WWOX: variants seen among roughly 807,000 people sequenced by gnomAD.
WWOX encodes WW domain containing oxidoreductase, also known as WW domain-containing oxidoreductase.
In WWOX, 69 loss-of-function variants were observed where a neutral mutation model predicts 46.2. The observed-to-expected ratio is 1.49, with a 90% confidence interval of 1.23 to 1.82. The LOEUF (loss-of-function observed/expected upper bound fraction) is 1.82. WWOX is among the 40% of genes most tolerant of loss of function. The pLI, the probability that WWOX is intolerant of heterozygous loss-of-function variation, is 0.00. For synonymous variants in WWOX, 359 were observed against 202.6 expected (o/e 1.77, Z -6.56); for missense variants, 919 against 542.6 (o/e 1.69, Z -6.89).
chr16:78,970,497 G>A (rs1235713902), intron 8 of WWOX, among the ~76,000 whole-genome samples: 3 of 152,200 alleles, frequency 2.0e-5, no homozygotes, highest in Non-Finnish European at 2.9e-5. Flanking sequence ...AAAACCAGGG[G>A]AGACTCGACC....
At chr16:78,788,651 C>T (rs1597611443) in intron 8 of WWOX, among the ~76,000 whole-genome samples, 1 of 152,184 alleles carries the variant, frequency 6.6e-6, no homozygotes, top group Non-Finnish European at 1.5e-5. Context: ...TTAGTACTGT[C>T]CTTTATAATA....
At chr16:79,026,621 T>TA (rs1285079581) in intron 8 of WWOX, among the ~76,000 whole-genome samples, 1 of 141,206 alleles carries the variant, frequency 7.1e-6, no homozygotes, top group Non-Finnish European at 1.5e-5. Flanking sequence ...ACTCTTTTTT[T>TA]TTTTTTTTTT....
rs5818165 is a variant in WWOX, at chr16:78,713,273, CAAAAAAAAAAAAAA to C, written c.1056+280536_1056+280549del. 2.6e-3 allele frequency among the ~76,000 whole-genome samples: 44 copies of C among 17,052 alleles called. 1 individual carries two copies. The East Asian group carries it at 0.079, about 31-fold the overall frequency. The allele number at this position is 17,052 out of a possible 152,430, so 11.2% of individuals were successfully genotyped here. On this transcript the variant is annotated intron_variant, in intron 8 of 8. Coordinates refer to ENST00000566780, the MANE Select transcript of WWOX (RefSeq NM_016373.4). ...TGGGTGACAAAGTGAGACTCTGTCT[CAAAAAAAAAAAAAA>C]AAAAAAAAAAAAAAGCTAGTAGCAC... is the stretch of plus-strand genomic sequence containing the variant.
At chr16:78,355,328 C>T (rs562963835) in intron 5 of WWOX, among the ~76,000 whole-genome samples, 24 of 151,912 alleles carry the variant, frequency 1.6e-4, no homozygotes, top group African/African-American at 4.1e-4. Context: ...TGGTGCTGGG[C>T]GCAGTGGCTC....
chr16:78,377,101 T>A (rs1161050535), intron 5 of WWOX, among the ~76,000 whole-genome samples: 1 of 152,258 alleles, frequency 6.6e-6, no homozygotes, highest in Non-Finnish European at 1.5e-5. Context: ...GAAGTTCCAG[T>A]GCTTAACAAG....
rs867489708 is a variant in WWOX at position 78,133,282 on chromosome 16, A to G, written c.409+18128A>G. ...TATTTATTTTTACTTTTTTTGAAAG[A>G]TGGAGTCTTGCACTGTCACCCAGGC... On this transcript the variant is annotated intron_variant, in intron 4 of 8. Coordinates refer to ENST00000566780, the MANE Select transcript of WWOX (RefSeq NM_016373.4). 2.0e-5 allele frequency among the ~76,000 whole-genome samples: 3 copies of G among 152,212 alleles called. No individual in the cohort carries two copies. The East Asian group carries it at 5.8e-4, about 29-fold the overall frequency.
chr16:79,094,483 C>G (rs987612520), intron 8 of WWOX, among the ~76,000 whole-genome samples: 3 of 152,110 alleles, frequency 2.0e-5, no homozygotes, highest in African/African-American at 7.2e-5. Flanking sequence ...AACTCCTGAC[C>G]TCAGGCAGTC....
chr16:78,514,678 G>T (rs991444416), intron 8 of WWOX, among the ~76,000 whole-genome samples: 8 of 152,168 alleles, frequency 5.3e-5, no homozygotes, highest in Non-Finnish European at 1.0e-4. Flanking sequence ...CAAAAGGCTG[G>T]CAATTTATTA....
chr16:79,140,584 C>T (rs904854541), intron 8 of WWOX, among the ~76,000 whole-genome samples: 2 of 152,206 alleles, frequency 1.3e-5, no homozygotes, highest in Admixed American at 1.3e-4. Context: ...GCATTGACCG[C>T]ATGAAGGGTG....
At chr16:78,211,271 T>C (rs2036550997) in intron 5 of WWOX, among the ~76,000 whole-genome samples, 1 of 152,206 alleles carries the variant, frequency 6.6e-6, no homozygotes, top group Non-Finnish European at 1.5e-5. Flanking sequence ...AGACTTCTTA[T>C]GGCTGTGGCA....
chr16:78,463,112 C>A (rs577592152), intron 8 of WWOX, among the ~76,000 whole-genome samples: 5 of 152,162 alleles, frequency 3.3e-5, no homozygotes, highest in Non-Finnish European at 7.3e-5. Flanking sequence ...TATCCCACTG[C>A]AATTCTGTGT....
chr16:79,093,606 G>C (rs552902435), intron 8 of WWOX, among the ~76,000 whole-genome samples: 1 of 152,122 alleles, frequency 6.6e-6, no homozygotes, highest in Non-Finnish European at 1.5e-5. Flanking sequence ...TCCAGTGCCC[G>C]GTGCAGGGTG....
chr16:79,066,164 C>T (rs76714322), intron 8 of WWOX, among the ~76,000 whole-genome samples: 14,516 of 152,134 alleles, frequency 0.095, 734 homozygotes, highest in Middle Eastern at 0.15. Flanking sequence ...AGTTTGCCGT[C>T]CTCTCTTCCT....
At chr16:79,101,199 G>T (rs970582565) in intron 8 of WWOX, 1 of 152,210 alleles carries the variant, frequency 6.6e-6, no homozygotes, top group Non-Finnish European at 1.5e-5. Flanking sequence ...TGCAAAGAGA[G>T]ATCTTTGGAG....
intron 8 of WWOX, chr16:78,825,797 G>T (rs1432539705): frequency 1.5e-5 from 9 of 593,920 alleles, no homozygotes; most frequent in Non-Finnish European, 2.5e-5. Context: ...TGTGTGCCAT[G>T]TGCTGCTCAG....
intron 8 of WWOX, among the ~76,000 whole-genome samples, chr16:79,125,988 A>G (rs2049745540): frequency 1.3e-5 from 2 of 152,190 alleles, no homozygotes; most frequent in East Asian, 1.9e-4. Flanking sequence ...CTCTTTCAGT[A>G]CATACATACA....
chr16:78,740,062 T>C (rs1407844763), intron 8 of WWOX, among the ~76,000 whole-genome samples: 2 of 152,096 alleles, frequency 1.3e-5, no homozygotes, highest in African/African-American at 4.8e-5. Flanking sequence ...GACCCCACTG[T>C]GGTCACCTTT....
chr16:78,794,704 G>C (rs945317578), intron 8 of WWOX, among the ~76,000 whole-genome samples: 2 of 152,174 alleles, frequency 1.3e-5, no homozygotes, highest in African/African-American at 2.4e-5. Flanking sequence ...TTGTCATTAC[G>C]CTTACTGTTA....
chr16:78,941,268 G>A (rs1406699996), intron 8 of WWOX, among the ~76,000 whole-genome samples: 1 of 152,108 alleles, frequency 6.6e-6, no homozygotes, highest in African/African-American at 2.4e-5. Context: ...GGAGGATTGG[G>A]CCCGTGCTAT....
Sources: allele counts gnomAD v4.1 joint callset (sites outside exome capture counted in the v4.1 genomes callset), GRCh38; gene constraint gnomAD v4.1.1; transcripts MANE v1.5; gene names NCBI Gene and HGNC (gene_info 2026-07-23, HGNC 2026-07-21).